THSD7B: variants seen among roughly 807,000 people sequenced by gnomAD.
The protein encoded by THSD7B is thrombospondin type-1 domain-containing protein 7B.
In THSD7B, 138 loss-of-function variants were observed where a neutral mutation model predicts 213.6. The ratio of observed to expected loss-of-function variants is 0.65; its 90% confidence interval spans 0.56 to 0.74. The LOEUF (loss-of-function observed/expected upper bound fraction) is 0.74, where lower values mean the gene tolerates loss of function less well. Ranked by LOEUF, THSD7B falls within the 30% of genes least tolerant of loss-of-function variation. The pLI, the probability that THSD7B is intolerant of heterozygous loss-of-function variation, is 0.00. For missense variants in THSD7B, 1,931 were observed against 1,991.5 expected, an observed-to-expected ratio of 0.97 and a Z score of 0.58; for synonymous variants, 742 against 687.0, an observed-to-expected ratio of 1.08 and a Z score of -1.25.
chr2:137,240,070 G>T (rs1681867034), intron 9 of THSD7B, among the ~76,000 whole-genome samples: 1 of 152,160 alleles, frequency 6.6e-6, no homozygotes. Context: ...TTTCACTTTG[G>T]GGGTTAGGTT....
In THSD7B at chr2:137,654,621, T is replaced by C. The variant is rs1024761878; in HGVS notation, c.3946-880T>C. Among the ~76,000 whole-genome samples the C allele has an allele frequency of 7.2e-5, 11 of 152,244 alleles. No homozygotes were observed. The East Asian group carries it at 1.7e-3, about 24-fold the overall frequency. ...AGATTCGGGGGAGGGCTATTGCAGA[T>C]ATGGAAGTCTGATTCCCTTACCACT... On this transcript the variant is annotated intron_variant, in intron 21 of 27. Transcript: ENST00000409968.
In THSD7B at chr2:137,057,083, A is replaced by G. The variant is rs962172602; in HGVS notation, c.803A>G (p.Asp268Gly). The change falls in exon 3 of 28, where the codon GAT becomes GGT. Residue 268 changes from aspartate (D) to glycine (G), a missense_variant. Transcript: ENST00000409968. ...EINPSGRTVL[D>G]FNSDSNERVT... ...AATCCAAGCGGAAGAACTGTTCTGG[A>G]TTTTAACTCTGATTCAAATGAGCGA... The G allele has an allele frequency of 1.9e-6, 3 of 1,613,854 alleles. No individual in the cohort carries two copies. Among genetic ancestry groups the G allele is most frequent in the African/African-American group, 2.7e-5 (2 of 74,906 alleles).
In THSD7B at chr2:136,927,484, ATGT is replaced by A. The variant is rs566608946; in HGVS notation, c.139+45171_139+45173del. 3.9e-5 allele frequency among the ~76,000 whole-genome samples: 6 copies of A among 152,324 alleles called. No individual in the cohort carries two copies. The East Asian group carries it at 1.2e-3, about 29-fold the overall frequency. ...ACCTACATCTTTTGACATTTAGATA[ATGT>A]TGTGGAATCCTTATGAAATAATTGG... On this transcript the variant is annotated intron_variant, in intron 2 of 27. Coordinates refer to ENST00000409968, the MANE Select transcript of THSD7B (RefSeq NM_001316349.2).
At chr2:137,617,627 T>G (rs757610129) in intron 18 of THSD7B, among the ~76,000 whole-genome samples, 2 of 152,222 alleles carry the variant, frequency 1.3e-5, no homozygotes, top group Non-Finnish European at 2.9e-5. Flanking sequence ...GTATTGAAAA[T>G]GTTTTCAAGT....
intron 12 of THSD7B, among the ~76,000 whole-genome samples, chr2:137,329,332 G>C (rs1438380417): frequency 1.3e-5 from 2 of 152,160 alleles, no homozygotes; most frequent in East Asian, 1.9e-4. Flanking sequence ...CTTTGAACTT[G>C]AGAAAGATAA....
At chr2:137,399,476 A>T (rs1382638588) in intron 12 of THSD7B, among the ~76,000 whole-genome samples, 1 of 152,100 alleles carries the variant, frequency 6.6e-6, no homozygotes, top group Non-Finnish European at 1.5e-5. Flanking sequence ...TACAGGCATG[A>T]GGCATAACAC....
At chr2:137,580,710 G>A (rs898740203) in intron 17 of THSD7B, among the ~76,000 whole-genome samples, 1 of 152,202 alleles carries the variant, frequency 6.6e-6, no homozygotes, top group Non-Finnish European at 1.5e-5. Flanking sequence ...AGTCCTGCAA[G>A]CTGTACAGGA....
chr2:136,801,340 T>G (rs770979112), intron 1 of THSD7B, among the ~76,000 whole-genome samples: 1 of 152,040 alleles, frequency 6.6e-6, no homozygotes, highest in Non-Finnish European at 1.5e-5. Flanking sequence ...TGAGGTAGCA[T>G]TGGGTAGGCA....
intron 2 of THSD7B, among the ~76,000 whole-genome samples, chr2:137,009,801 T>G (rs1686192522): frequency 6.6e-6 from 1 of 152,142 alleles, no homozygotes; most frequent in South Asian, 2.1e-4. Context: ...GAGATTTAGG[T>G]GGAGACACAG....
intron 9 of THSD7B, among the ~76,000 whole-genome samples, chr2:137,237,536 CCAT>C (rs1681793904): frequency 2.0e-5 from 3 of 152,188 alleles, no homozygotes; most frequent in African/African-American, 7.2e-5. Flanking sequence ...TGGAATTCTA[CCAT>C]CAAGGCACTC....
intron 12 of THSD7B, among the ~76,000 whole-genome samples, chr2:137,310,408 T>G (rs946360381): frequency 1.8e-4 from 26 of 146,908 alleles, no homozygotes; most frequent in Admixed American, 8.2e-4. Flanking sequence ...ATATTAGCCC[T>G]TTGTCAGATG....
chr2:137,497,967 A>C (rs182147107), intron 15 of THSD7B, among the ~76,000 whole-genome samples: 146 of 152,320 alleles, frequency 9.6e-4, no homozygotes, highest in Admixed American at 2.3e-3. Flanking sequence ...CTTATATTTG[A>C]TGATCATTTA....
chr2:137,148,628 G>A (rs1679754956), intron 5 of THSD7B, among the ~76,000 whole-genome samples: 1 of 152,302 alleles, frequency 6.6e-6, no homozygotes, highest in Non-Finnish European at 1.5e-5. Context: ...CCAGGCTGAG[G>A]TGGTATCAGA....
chr2:136,819,046 T>C (rs1682528496), intron 1 of THSD7B, among the ~76,000 whole-genome samples: 1 of 152,222 alleles, frequency 6.6e-6, no homozygotes, highest in Admixed American at 6.5e-5. Context: ...TAAAACGAAC[T>C]GAGCGGCTCT....
chr2:137,593,906 T>C (rs1573731939), intron 17 of THSD7B, among the ~76,000 whole-genome samples: 1 of 152,020 alleles, frequency 6.6e-6, no homozygotes, highest in South Asian at 2.1e-4. Flanking sequence ...AGTTGAGTGT[T>C]CACATTTAGA....
intron 12 of THSD7B, among the ~76,000 whole-genome samples, chr2:137,344,513 A>G (rs1292415002): frequency 6.6e-6 from 1 of 151,694 alleles, no homozygotes; most frequent in Admixed American, 6.6e-5. Context: ...TTAAGTGACA[A>G]AAAAAGATGC....
In THSD7B at chr2:137,057,140, A is replaced by G. The variant is rs746159470; in HGVS notation, c.860A>G (p.His287Arg). The change falls in exon 3 of 28, where the codon CAT becomes CGT. Residue 287 changes from histidine (H) to arginine (R), a missense_variant. Transcript: ENST00000409968. ...VTFKHQSYKA[H>R]HHSKSWAIEI... ...TTTAAACATCAAAGTTACAAAGCACATCATCATTCGAAGTCTTGGGCAATA... is the reference window on the plus strand; with the variant it reads ...TTTAAACATCAAAGTTACAAAGCACGTCATCATTCGAAGTCTTGGGCAATA... 23 of 1,613,876 alleles carry G rather than the reference A, an allele frequency of 1.4e-5. No individual in the cohort carries two copies. The highest frequency in any genetic ancestry group is 8.9e-5 in the East Asian group (4 of 44,884).
At chr2:136,883,805 G>A (rs1217504309) in intron 2 of THSD7B, among the ~76,000 whole-genome samples, 1 of 152,144 alleles carries the variant, frequency 6.6e-6, no homozygotes, top group African/African-American at 2.4e-5. Flanking sequence ...AGTTTCAGAA[G>A]TGAGGATCCT....
At chr2:137,164,810 C>T (rs1680089257) in intron 6 of THSD7B, among the ~76,000 whole-genome samples, 1 of 152,074 alleles carries the variant, frequency 6.6e-6, no homozygotes, top group Non-Finnish European at 1.5e-5. Flanking sequence ...TATTCTCACT[C>T]ATAGGTGGGA....
Sources: gnomAD v4.1 joint callset for allele counts (sites outside exome capture counted in the v4.1 genomes callset) on GRCh38, gnomAD v4.1.1 for gene constraint, MANE v1.5 for transcripts, NCBI Gene and HGNC (gene_info 2026-07-23, HGNC 2026-07-21) for gene names.